The following RAD51B variants were observed in gnomAD, a reference collection of about 807,000 sequenced individuals.
RAD51B encodes the protein RAD51 paralog B.
RAD51B carries 38 observed loss-of-function variants against 42.2 expected under a neutral mutation model. The observed-to-expected ratio is 0.90, with a 90% CI of 0.70 to 1.18. The LOEUF (loss-of-function observed/expected upper bound fraction) is 1.18, where lower values mean the gene tolerates loss of function less well. Ranked by LOEUF, RAD51B falls within the 50% of genes most tolerant of loss-of-function variation. The probability of loss-of-function intolerance (pLI) is 0.00; values close to 1 mark genes in which losing one functional copy is unlikely to be tolerated. For missense variants in RAD51B, 373 were observed against 400.7 expected (o/e 0.93, Z 0.59); for synonymous variants, 154 against 145.2 (o/e 1.06, Z -0.43).
At chr14:67,894,428 C>T (rs1320082261) in intron 7 of RAD51B, among the ~76,000 whole-genome samples, 7 of 152,096 alleles carry the variant, frequency 4.6e-5, no homozygotes, top group African/African-American at 1.7e-4. Context: ...CTCTTTTTGT[C>T]TTTCCTTTTC....
chr14:68,425,936 T>TTTCTTTCTTTC (rs1555407997), intron 9 of RAD51B, among the ~76,000 whole-genome samples: 1 of 73,880 alleles, frequency 1.4e-5, no homozygotes, highest in African/African-American at 4.3e-5. Flanking sequence ...AGGCCATTCT[T>TTTCTTTCTTTC]TTTCTTTCTT....
At chr14:68,268,320 G>A (rs1424382093) in intron 7 of RAD51B, among the ~76,000 whole-genome samples, 1 of 146,502 alleles carries the variant, frequency 6.8e-6, no homozygotes, top group African/African-American at 2.5e-5. Context: ...TGTGTAGATT[G>A]CACTTTTTCA....
intron 11 of RAD51B, among the ~76,000 whole-genome samples, chr14:68,674,510 T>TA (rs1283268279): frequency 2.0e-5 from 3 of 151,840 alleles, no homozygotes; most frequent in Non-Finnish European, 1.5e-5. Context: ...ATATTTTAAT[T>TA]AAAATTTTAT....
intron 10 of RAD51B, among the ~76,000 whole-genome samples, chr14:68,623,467 T>C (rs376848491): frequency 6.6e-6 from 1 of 152,360 alleles, no homozygotes; most frequent in East Asian, 1.9e-4. Context: ...TTTCACAGGC[T>C]GTTCACTGCA....
At chr14:68,412,596 T>C (rs989968768) in intron 9 of RAD51B, among the ~76,000 whole-genome samples, 1 of 152,228 alleles carries the variant, frequency 6.6e-6, no homozygotes. Flanking sequence ...TTGGTTTGCT[T>C]TGGACTATGT....
chr14:68,237,376 A>G (rs2140994454), intron 7 of RAD51B, among the ~76,000 whole-genome samples: 1 of 152,380 alleles, frequency 6.6e-6, no homozygotes, highest in East Asian at 1.9e-4. Flanking sequence ...CTAGCAATGT[A>G]CTAGAACTTA....
chr14:68,245,207 T>G (rs1407252633), intron 7 of RAD51B, among the ~76,000 whole-genome samples: 2 of 152,218 alleles, frequency 1.3e-5, no homozygotes, highest in Non-Finnish European at 2.9e-5. Context: ...AATTTAGTAC[T>G]TCAAAGATAG....
chr14:68,105,561 A>G (rs1281124613), intron 7 of RAD51B, among the ~76,000 whole-genome samples: 3 of 151,950 alleles, frequency 2.0e-5, no homozygotes, highest in Non-Finnish European at 4.4e-5. Context: ...TTTACTAAGT[A>G]TGCATTGTTT....
intron 7 of RAD51B, among the ~76,000 whole-genome samples, chr14:68,247,476 G>A (rs528026401): frequency 6.6e-6 from 1 of 152,246 alleles, no homozygotes; most frequent in South Asian, 2.1e-4. Flanking sequence ...GTGCAGGAAC[G>A]GAAATGAAAA....
intron 8 of RAD51B, among the ~76,000 whole-genome samples, chr14:68,383,176 G>C (rs534736057): frequency 1.3e-5 from 2 of 152,128 alleles, no homozygotes; most frequent in East Asian, 3.8e-4. Flanking sequence ...TAAACAACAT[G>C]AAAATATATA....
chr14:68,361,761 C>T (rs2083029890), intron 8 of RAD51B, among the ~76,000 whole-genome samples: 2 of 152,122 alleles, frequency 1.3e-5, no homozygotes, highest in Admixed American at 1.3e-4. Flanking sequence ...CTGCAACCTC[C>T]ATGTCCCAGG....
At chr14:68,097,304 T>A (rs1001266573) in intron 7 of RAD51B, among the ~76,000 whole-genome samples, 7 of 152,280 alleles carry the variant, frequency 4.6e-5, no homozygotes, top group South Asian at 2.1e-4. Flanking sequence ...GTTTTTTTTT[T>A]AATCTGAGAA....
At chr14:68,295,883 G>GC (rs948446873) in intron 8 of RAD51B, among the ~76,000 whole-genome samples, 5 of 151,926 alleles carry the variant, frequency 3.3e-5, no homozygotes, top group African/African-American at 1.2e-4. Context: ...CTTGCCCCCC[G>GC]CCCCCAAATC....
At chr14:67,919,252 G>C (rs868396989) in intron 7 of RAD51B, among the ~76,000 whole-genome samples, 1 of 152,124 alleles carries the variant, frequency 6.6e-6, no homozygotes, top group Non-Finnish European at 1.5e-5. Flanking sequence ...GTGAAGGTTC[G>C]TAAAGTTTAG....
chr14:68,025,040 G>A (rs1020562023), intron 7 of RAD51B, among the ~76,000 whole-genome samples: 3 of 151,896 alleles, frequency 2.0e-5, no homozygotes, highest in Non-Finnish European at 4.4e-5. Flanking sequence ...ACTCTGTTGA[G>A]GGTTTTTTTA....
intron 10 of RAD51B, among the ~76,000 whole-genome samples, chr14:68,528,890 C>T (rs1001030429): frequency 6.6e-6 from 1 of 152,146 alleles, no homozygotes; most frequent in South Asian, 2.1e-4. Context: ...AACTAAGAAT[C>T]AAACAAGTTA....
At chr14:68,425,956 C>CTT (rs1167740582) in intron 9 of RAD51B, among the ~76,000 whole-genome samples, 4 of 104,828 alleles carry the variant, frequency 3.8e-5, no homozygotes, top group African/African-American at 1.5e-4. Context: ...TTCTTTCTTT[C>CTT]TTTCTTTCTT....
chr14:67,913,917 C>T, intron 7 of RAD51B, among the ~76,000 whole-genome samples: 1 of 152,090 alleles, frequency 6.6e-6, no homozygotes, highest in Non-Finnish European at 1.5e-5. Flanking sequence ...CCCCACTTCT[C>T]TGCCCCACTC....
At chr14:67,883,914 A>G (rs905050463) in intron 5 of RAD51B, among the ~76,000 whole-genome samples, 4 of 152,112 alleles carry the variant, frequency 2.6e-5, no homozygotes, top group Non-Finnish European at 1.5e-5. Context: ...CTTTTTATAA[A>G]CAGATATCCA....
Sources: gnomAD v4.1 joint callset for allele counts (sites outside exome capture counted in the v4.1 genomes callset) on GRCh38, gnomAD v4.1.1 for gene constraint, MANE v1.5 for transcripts, NCBI Gene and HGNC (gene_info 2026-07-23, HGNC 2026-07-21) for gene names.